Variants in LRRTM3 observed in about 807,000 individuals in gnomAD.
The protein encoded by LRRTM3 is leucine rich repeat transmembrane neuronal 3.
Under a neutral mutation model 44.7 loss-of-function variants are expected in LRRTM3, and 24 were observed. The observed-to-expected ratio is 0.54, with a 90% CI of 0.39 to 0.76. LRRTM3 has a LOEUF of 0.76. LRRTM3 is among the 30% of genes least tolerant of loss of function. The pLI is 0.00. For synonymous variants in LRRTM3, 277 were observed against 278.7 expected (o/e 0.99, Z 0.06); for missense variants, 587 against 702.2 (o/e 0.84, Z 1.85).
chr10:66,942,576 C>CTCTG (rs1400776459), intron 2 of LRRTM3, among the ~76,000 whole-genome samples: 1 of 140,258 alleles, frequency 7.1e-6, no homozygotes, highest in African/African-American at 2.8e-5. Flanking sequence ...CTCTCTCTCT[C>CTCTG]TGTGTGTGTG....
chr10:66,982,212 T>TA (rs1383737319), intron 2 of LRRTM3, among the ~76,000 whole-genome samples: 4 of 152,152 alleles, frequency 2.6e-5, no homozygotes, highest in African/African-American at 9.7e-5. Context: ...ATGAGCCCCT[T>TA]TAAGGGCAGC....
At chr10:66,979,940 C>T (rs1371097461) in intron 2 of LRRTM3, among the ~76,000 whole-genome samples, 4 of 152,246 alleles carry the variant, frequency 2.6e-5, no homozygotes, top group South Asian at 2.1e-4. Flanking sequence ...TCCTCAAGTA[C>T]TGTTGGAACA....
chr10:66,983,887 G>A (rs1850584513), intron 2 of LRRTM3, among the ~76,000 whole-genome samples: 1 of 152,198 alleles, frequency 6.6e-6, no homozygotes, highest in Admixed American at 6.5e-5. Flanking sequence ...GCACTTGCTA[G>A]GTGATAGGCT....
chr10:66,957,373 T>G (rs1848846351), intron 2 of LRRTM3, among the ~76,000 whole-genome samples: 1 of 108,540 alleles, frequency 9.2e-6, no homozygotes. Context: ...ATATCCAGAA[T>G]ATGTGTGTGT....
intron 2 of LRRTM3, among the ~76,000 whole-genome samples, chr10:67,064,020 G>C (rs376767942): frequency 6.6e-6 from 1 of 152,148 alleles, no homozygotes; most frequent in Non-Finnish European, 1.5e-5. Flanking sequence ...CTCTATGCAC[G>C]TGTGCTTTGG....
At chr10:66,938,865 T>G (rs1385268663) in intron 2 of LRRTM3, among the ~76,000 whole-genome samples, 2 of 152,172 alleles carry the variant, frequency 1.3e-5, no homozygotes, top group Non-Finnish European at 2.9e-5. Flanking sequence ...CGAATACACC[T>G]TCATTTTTGT....
chr10:67,097,116 G>T (rs1228464381), intron 2 of LRRTM3, among the ~76,000 whole-genome samples: 1 of 151,820 alleles, frequency 6.6e-6, no homozygotes, highest in East Asian at 1.9e-4. Context: ...AAAAACTTGG[G>T]TGGCAGGGGG....
chr10:67,089,721 G>GTT (rs1416595436), intron 2 of LRRTM3, among the ~76,000 whole-genome samples: 2 of 143,026 alleles, frequency 1.4e-5, no homozygotes, highest in African/African-American at 5.7e-5. Flanking sequence ...ATACATATGT[G>GTT]TGTGTGTGTG....
intron 2 of LRRTM3, among the ~76,000 whole-genome samples, chr10:67,038,787 T>C (rs951664217): frequency 6.6e-6 from 1 of 152,078 alleles, no homozygotes; most frequent in Non-Finnish European, 1.5e-5. Flanking sequence ...AATGTCTCTC[T>C]TTATATTGTC....
At chr10:66,992,094 C>T (rs1297541090) in intron 2 of LRRTM3, among the ~76,000 whole-genome samples, 1 of 152,160 alleles carries the variant, frequency 6.6e-6, no homozygotes, top group Non-Finnish European at 1.5e-5. Context: ...TCAGATGTTG[C>T]CAAATTGCTC....
At chr10:67,005,682 CTTTTTTTT>C (rs11369576) in intron 2 of LRRTM3, among the ~76,000 whole-genome samples, 1 of 61,974 alleles carries the variant, frequency 1.6e-5, no homozygotes. Flanking sequence ...TTTACTCCAT[CTTTTTTTT>C]TTTTTTTTTT....
chr10:67,032,830 T>C (rs1003975596), intron 2 of LRRTM3, among the ~76,000 whole-genome samples: 1 of 152,200 alleles, frequency 6.6e-6, no homozygotes, highest in African/African-American at 2.4e-5. Flanking sequence ...ACTGAATCCT[T>C]GGCTCTCAGT....
intron 2 of LRRTM3, among the ~76,000 whole-genome samples, chr10:66,958,057 A>C (rs1190351155): frequency 6.6e-6 from 1 of 151,972 alleles, no homozygotes; most frequent in Non-Finnish European, 1.5e-5. Context: ...GAACACACAA[A>C]CTATGCAATT....
chr10:67,051,853 C>T (rs1855119677), intron 2 of LRRTM3, among the ~76,000 whole-genome samples: 1 of 151,896 alleles, frequency 6.6e-6, no homozygotes, highest in Non-Finnish European at 1.5e-5. Context: ...CTCAGGGGTT[C>T]AAGTGATTCT....
chr10:67,052,822 C>T (rs1855194716), intron 2 of LRRTM3: 1 of 151,876 alleles, frequency 6.6e-6, no homozygotes, highest in Non-Finnish European at 1.5e-5. Context: ...ATTGATTCTG[C>T]TGAATGAAAA....
rs144832745 is a variant in LRRTM3 at position 66,992,461 on chromosome 10, C to T, written c.1536+64009C>T. The stretch of plus-strand genomic sequence containing the variant: ...TGTTCCTAGGAGTTCTTAGTATTAT[C>T]TGAATAAAAAATTCTTTGTCAGTTC... On this transcript the variant is annotated intron_variant, in intron 2 of 2. Coordinates refer to ENST00000361320, the MANE Select transcript of LRRTM3 (RefSeq NM_178011.5). Among the ~76,000 whole-genome samples, 54 of 151,892 alleles carry T rather than the reference C, an allele frequency of 3.6e-4. No homozygotes were observed. The East Asian group carries it at 9.3e-3, about 26-fold the overall frequency.
rs4142738 is a variant in LRRTM3, at chr10:67,090,469, G to A, written c.1537-7118G>A. ...TGCCTATATTGTGTTCACCTCTCTA[G>A]GTTCTAAGGCCAGTAAGAATTAGAT... On this transcript the variant is annotated intron_variant, in intron 2 of 2. Coordinates refer to ENST00000361320, the MANE Select transcript of LRRTM3 (RefSeq NM_178011.5). Among the ~76,000 whole-genome samples, 1,382 of 152,162 alleles carry A rather than the reference G, an allele frequency of 9.1e-3. 55 individuals are homozygous for A. In the East Asian group the frequency reaches 0.12, roughly 13 times the overall value.
chr10:67,006,337 C>A (rs1373258710), intron 2 of LRRTM3, among the ~76,000 whole-genome samples: 1 of 152,048 alleles, frequency 6.6e-6, no homozygotes, highest in Non-Finnish European at 1.5e-5. Flanking sequence ...TCTGTCTTAC[C>A]AAATTGCTAA....
chr10:67,004,901 A>G (rs948920642), intron 2 of LRRTM3, among the ~76,000 whole-genome samples: 1 of 152,174 alleles, frequency 6.6e-6, no homozygotes, highest in Non-Finnish European at 1.5e-5. Flanking sequence ...ACTCTAGTAG[A>G]ACGCAGTATT....
Sources: gnomAD v4.1 joint callset for allele counts (sites outside exome capture counted in the v4.1 genomes callset) on GRCh38, gnomAD v4.1.1 for gene constraint, MANE v1.5 for transcripts, NCBI Gene and HGNC (gene_info 2026-07-23, HGNC 2026-07-21) for gene names.